ADAMTS6: variants seen among roughly 807,000 people sequenced by gnomAD.
ADAMTS6 encodes ADAM metallopeptidase with thrombospondin type 1 motif 6.
A neutral mutation model predicts 144.3 loss-of-function variants in ADAMTS6; 23 were observed. The ratio of observed to expected loss-of-function variants is 0.16; its 90% CI spans 0.11 to 0.23. The LOEUF (loss-of-function observed/expected upper bound fraction) is 0.23, where lower values mean the gene tolerates loss of function less well. Ranked by LOEUF, ADAMTS6 falls within the 10% of genes least tolerant of loss-of-function variation. ADAMTS6 has a pLI of 1.00. For missense variants in ADAMTS6, 999 were observed against 1,379.6 expected (o/e 0.72, Z 4.37); for synonymous variants, 444 against 457.5 (o/e 0.97, Z 0.38).
chr5:65,447,664 T>C (rs1292053126), intron 7 of ADAMTS6, among the ~76,000 whole-genome samples: 1 of 151,320 alleles, frequency 6.6e-6, no homozygotes, highest in African/African-American at 2.5e-5. Context: ...TCACCACTGA[T>C]ACATTGTGAA....
At chr5:65,170,510 C>G in intron 24 of ADAMTS6, 107 bp downstream of exon 24, 2 of 1,265,532 alleles carry the variant, frequency 1.6e-6, no homozygotes, top group Non-Finnish European at 2.1e-6. Context: ...CACAAATGCT[C>G]TACTCAAACT....
intron 3 of ADAMTS6, among the ~76,000 whole-genome samples, chr5:65,466,744 G>C (rs1013126642): frequency 2.6e-5 from 4 of 152,172 alleles, no homozygotes; most frequent in African/African-American, 9.7e-5. Flanking sequence ...CAGTCTTCAT[G>C]AAATAAGAAC....
At chr5:65,371,948 A>G (rs1399281069) in intron 7 of ADAMTS6, among the ~76,000 whole-genome samples, 1 of 152,162 alleles carries the variant, frequency 6.6e-6, no homozygotes, top group African/African-American at 2.4e-5. Context: ...ACAAGCCAGA[A>G]GAGAGTGGGC....
chr5:65,404,901 A>C (rs1754304220), intron 7 of ADAMTS6, among the ~76,000 whole-genome samples: 1 of 152,132 alleles, frequency 6.6e-6, no homozygotes, highest in Non-Finnish European at 1.5e-5. Context: ...GCCAGTGATG[A>C]TGAGCATTTT....
intron 7 of ADAMTS6, among the ~76,000 whole-genome samples, chr5:65,382,468 T>C (rs1236022196): frequency 6.6e-6 from 1 of 152,242 alleles, no homozygotes; most frequent in Non-Finnish European, 1.5e-5. Context: ...GTCATGATTG[T>C]CAAATTCAAT....
At chr5:65,163,013 G>A (rs1752881732) in intron 24 of ADAMTS6, among the ~76,000 whole-genome samples, 1 of 152,090 alleles carries the variant, frequency 6.6e-6, no homozygotes, top group Non-Finnish European at 1.5e-5. Context: ...GAGTTCAAGT[G>A]ATCCTCCTGC....
chr5:65,408,965 C>A (rs1336688013), intron 7 of ADAMTS6, among the ~76,000 whole-genome samples: 1 of 152,106 alleles, frequency 6.6e-6, no homozygotes, highest in African/African-American at 2.4e-5. Flanking sequence ...AACAAAGACA[C>A]AACATACCAG....
chr5:65,368,812 T>C (rs1216531221), intron 7 of ADAMTS6, among the ~76,000 whole-genome samples: 1 of 152,126 alleles, frequency 6.6e-6, no homozygotes, highest in Non-Finnish European at 1.5e-5. Context: ...CTCAGCACTT[T>C]GGGAGGCCGA....
intron 7 of ADAMTS6, among the ~76,000 whole-genome samples, chr5:65,354,000 G>T (rs1234617068): frequency 6.6e-6 from 1 of 151,766 alleles, no homozygotes; most frequent in Non-Finnish European, 1.5e-5. Flanking sequence ...AGTGTTCATG[G>T]TTTCTTCCAT....
At chr5:65,480,720 C>T (rs1761141635) in intron 1 of ADAMTS6, among the ~76,000 whole-genome samples, 1 of 152,128 alleles carries the variant, frequency 6.6e-6, no homozygotes, top group Admixed American at 6.5e-5. Context: ...ACAGACCTAC[C>T]CCGATAAACA....
chr5:65,370,598 T>C (rs1332105120), intron 7 of ADAMTS6, among the ~76,000 whole-genome samples: 1 of 152,190 alleles, frequency 6.6e-6, no homozygotes, highest in Non-Finnish European at 1.5e-5. Flanking sequence ...CACGAGATTA[T>C]ATCCCGCACC....
chr5:65,370,422 C>T (rs966103227), intron 7 of ADAMTS6, among the ~76,000 whole-genome samples: 50 of 152,244 alleles, frequency 3.3e-4, no homozygotes, highest in African/African-American at 1.2e-3. Context: ...GTGCGCGCAC[C>T]ATGCGTGAGC....
chr5:65,394,476 G>A (rs1310024275), intron 7 of ADAMTS6, among the ~76,000 whole-genome samples: 1 of 152,152 alleles, frequency 6.6e-6, no homozygotes, highest in Non-Finnish European at 1.5e-5. Context: ...GTTGTGTTAA[G>A]CCACCAAGTT....
intron 9 of ADAMTS6, among the ~76,000 whole-genome samples, chr5:65,320,695 C>T (rs1016569242): frequency 5.3e-5 from 8 of 152,012 alleles, no homozygotes; most frequent in African/African-American, 1.4e-4. Context: ...CGTTAGTTGT[C>T]TTCCCACTCT....
At chr5:65,390,500 G>C (rs1752825322) in intron 7 of ADAMTS6, among the ~76,000 whole-genome samples, 1 of 152,198 alleles carries the variant, frequency 6.6e-6, no homozygotes, top group Non-Finnish European at 1.5e-5. Flanking sequence ...TATACCAGCA[G>C]AGGTCAGGCA....
Position 65,312,928 on chromosome 5 carries a change from T to C in ADAMTS6, c.1224-12797A>G, listed in dbSNP as rs541391411. 3.9e-5 allele frequency among the ~76,000 whole-genome samples: 6 copies of C among 152,082 alleles called. No individual in the cohort carries two copies. The South Asian group carries it at 1.2e-3, about 32-fold the overall frequency. ...GCTGGAACAAGGAAACTTTGGCCAT[T>C]GTAGTCTTCTTTAGTACTATGAGAA... On this transcript the variant is annotated intron_variant, in intron 9 of 24. Transcript: ENST00000381055.
chr5:65,424,024 T>C (rs1025811631), intron 7 of ADAMTS6, among the ~76,000 whole-genome samples: 1 of 152,196 alleles, frequency 6.6e-6, no homozygotes, highest in Non-Finnish European at 1.5e-5. Context: ...TAAGTAGTTA[T>C]AAGTAGTTCA....
At chr5:65,239,088 A>T (rs1412488953) in intron 15 of ADAMTS6, among the ~76,000 whole-genome samples, 1 of 152,056 alleles carries the variant, frequency 6.6e-6, no homozygotes, top group Non-Finnish European at 1.5e-5. Flanking sequence ...GGACACAGGG[A>T]GGGGAACATC....
chr5:65,457,139 T>C (rs1759272377), intron 4 of ADAMTS6, among the ~76,000 whole-genome samples: 1 of 152,166 alleles, frequency 6.6e-6, no homozygotes, highest in Non-Finnish European at 1.5e-5. Flanking sequence ...GCCCAGAACA[T>C]AGGGAAATAC....
Sources: allele counts gnomAD v4.1 joint callset (sites outside exome capture counted in the v4.1 genomes callset), GRCh38; gene constraint gnomAD v4.1.1; transcripts MANE v1.5; gene names NCBI Gene and HGNC (gene_info 2026-07-23, HGNC 2026-07-21).